YPEL1: variants seen among roughly 807,000 people sequenced by gnomAD.
YPEL1 encodes yippee like 1.
A neutral mutation model predicts 17.3 loss-of-function variants in YPEL1; 7 were observed. The ratio of observed to expected loss-of-function variants is 0.40; its 90% confidence interval spans 0.23 to 0.76. YPEL1 has a LOEUF of 0.76. YPEL1 is among the 30% of genes least tolerant of loss of function. YPEL1 has a pLI of 0.35. For synonymous variants in YPEL1, 59 were observed against 59.6 expected (o/e 0.99, Z 0.05); for missense variants, 91 against 155.5 (o/e 0.59, Z 2.21).
chr22:21,717,385 A>C (rs955733055), intron 1 of YPEL1, among the ~76,000 whole-genome samples: 20 of 151,936 alleles, frequency 1.3e-4, no homozygotes, highest in Non-Finnish European at 2.2e-4. Flanking sequence ...TCAAAAAAAA[A>C]AAAAAAACAA....
intron 1 of YPEL1, among the ~76,000 whole-genome samples, chr22:21,717,387 A>C (rs1021368842): frequency 6.6e-6 from 1 of 151,932 alleles, no homozygotes; most frequent in African/African-American, 2.4e-5. Context: ...AAAAAAAAAA[A>C]AAAAACAAAA....
chr22:21,735,653 T>A lies in YPEL1; in HGVS notation c.-203A>T, dbSNP rs2148618453. The A allele has an allele frequency of 6.6e-6, 1 of 150,558 alleles. No homozygotes were observed. The highest frequency in any genetic ancestry group is 6.6e-5 in the Admixed American group (1 of 15,174). 9.3% of individuals were successfully genotyped at this position (150,558 alleles called of 1,614,324 possible). On this transcript the variant is annotated 5_prime_UTR_variant, in exon 1 of 5. The change abolishes an upstream ATG in the 5' untranslated region. Coordinates refer to ENST00000339468, the MANE Select transcript of YPEL1 (RefSeq NM_013313.5). ...TCCGCGCCCCGGCCCGCAGCGCCCA[T>A]CCGGCCCGGGCCCCGGTCAGCGCGG...
chr22:21,703,297 CG>C lies in YPEL1; in HGVS notation c.270+72del. 1 of 1,330,182 alleles carries C rather than the reference CG, an allele frequency of 7.5e-7. No individual in the cohort carries two copies. The highest frequency in any genetic ancestry group is 1.2e-5 in the South Asian group (1 of 84,466). The allele number at this position is 1,330,182 out of a possible 1,614,324, so 82.4% of individuals were successfully genotyped here. A position where few individuals can be genotyped will look rare whatever the true frequency, so the allele number is the denominator to read the frequency against. ...GACTGGTACCATGGGCCACACTGCA[CG>C]GGGAGGTGTGGCTCAGTGGCAACTT... On this transcript the variant is annotated intron_variant, in intron 4 of 4. Transcript: ENST00000339468. The surrounding 1 kb of genome is among the most constrained non-coding windows in gnomAD (Gnocchi z 6.1).
Position 21,702,720 on chromosome 22 carries a change from AG to A in YPEL1, c.270+649del, listed in dbSNP as rs540358500. ...CATGGAATCTCAGGTGGCCTGGGGG[AG>A]GGGAGGACTCGGCCACGAAGGTCAG... On this transcript the variant is annotated intron_variant, in intron 4 of 4. Transcript: ENST00000339468. 1.4e-4 allele frequency among the ~76,000 whole-genome samples: 21 copies of A among 152,064 alleles called. No homozygotes were observed. The South Asian group carries it at 4.2e-3, about 30-fold the overall frequency.
chr22:21,703,728 C>G lies in YPEL1; in HGVS notation c.161+111G>C. The G allele has an allele frequency of 8.2e-7, 1 of 1,217,136 alleles. No individual in the cohort carries two copies. The highest frequency in any genetic ancestry group is 1.1e-6 in the Non-Finnish European group (1 of 873,494). 75.4% of individuals were successfully genotyped at this position (1,217,136 alleles called of 1,614,324 possible). A position where few individuals can be genotyped will look rare whatever the true frequency, so the allele number is the denominator to read the frequency against. On this transcript the variant is annotated intron_variant, in intron 3 of 4. Transcript: ENST00000339468. This position sits in a 1 kb window ranked among gnomAD's most constrained non-coding sequence, Gnocchi z 6.1. ...ACTCCCGGCGGGGGGATGGTGGGTT[C>G]TTTCAGGACCCCTAAAGACCCAGGT...
At chr22:21,722,627 A>C (rs1233954663) in intron 1 of YPEL1, among the ~76,000 whole-genome samples, 1 of 151,884 alleles carries the variant, frequency 6.6e-6, no homozygotes, top group African/African-American at 2.4e-5. Flanking sequence ...GGGGGCAAAA[A>C]AAAAACAAAA....
intron 1 of YPEL1, among the ~76,000 whole-genome samples, chr22:21,722,613 T>A (rs1409299622): frequency 6.7e-6 from 1 of 148,618 alleles, no homozygotes; most frequent in East Asian, 1.9e-4. Flanking sequence ...TGAGACTCTG[T>A]CTCGGGGGCA....
intron 2 of YPEL1, among the ~76,000 whole-genome samples, chr22:21,708,827 C>T (rs1327585000): frequency 4.6e-5 from 7 of 151,882 alleles, no homozygotes; most frequent in Non-Finnish European, 7.4e-5. Flanking sequence ...CCACCACACC[C>T]GGCTAATTTT....
intron 1 of YPEL1, among the ~76,000 whole-genome samples, chr22:21,735,414 T>A (rs188009987): frequency 6.6e-6 from 1 of 152,088 alleles, no homozygotes; most frequent in African/African-American, 2.4e-5. Context: ...GGCGTTGTTG[T>A]CTGTGCCAAA....
intron 2 of YPEL1, among the ~76,000 whole-genome samples, chr22:21,708,507 T>G (rs2068134645): frequency 6.7e-6 from 1 of 148,712 alleles, no homozygotes; most frequent in Non-Finnish European, 1.5e-5. Context: ...AGCTAATTTT[T>G]TTGTACTTTA....
intron 2 of YPEL1, among the ~76,000 whole-genome samples, chr22:21,705,840 CAT>C (rs2068110252): frequency 6.6e-6 from 1 of 151,948 alleles, no homozygotes; most frequent in Non-Finnish European, 1.5e-5. Context: ...CTCTAAAAAA[CAT>C]AAATAGGCCA....
At chr22:21,725,312 C>T (rs942656036) in intron 1 of YPEL1, among the ~76,000 whole-genome samples, 3 of 151,572 alleles carry the variant, frequency 2.0e-5, no homozygotes, top group Non-Finnish European at 2.9e-5. Context: ...CTCCATCTCC[C>T]GGGTTCATGC....
chr22:21,719,683 G>A (rs976286694), intron 1 of YPEL1, among the ~76,000 whole-genome samples: 2 of 152,064 alleles, frequency 1.3e-5, no homozygotes, highest in African/African-American at 4.8e-5. Context: ...TCAGGAGCTC[G>A]AGACCAGTCT....
intron 2 of YPEL1, among the ~76,000 whole-genome samples, chr22:21,707,784 C>T (rs926532817): frequency 3.3e-5 from 5 of 152,136 alleles, no homozygotes; most frequent in East Asian, 1.9e-4. Context: ...TCAGAGTTGG[C>T]GCCAGCAAAC....
intron 1 of YPEL1, among the ~76,000 whole-genome samples, chr22:21,718,075 G>A (rs1034084046): frequency 2.0e-5 from 3 of 150,416 alleles, no homozygotes; most frequent in Non-Finnish European, 2.9e-5. Flanking sequence ...AGGCTGCAAT[G>A]AGCAGAGATT....
At chr22:21,713,044 C>G (rs2068186248) in intron 1 of YPEL1, among the ~76,000 whole-genome samples, 1 of 152,148 alleles carries the variant, frequency 6.6e-6, no homozygotes, top group Non-Finnish European at 1.5e-5. Context: ...GGGAGGCAGA[C>G]AAGGACCACG....
At chr22:21,717,788 T>C (rs993093008) in intron 1 of YPEL1, among the ~76,000 whole-genome samples, 2 of 152,150 alleles carry the variant, frequency 1.3e-5, no homozygotes, top group South Asian at 4.1e-4. Flanking sequence ...TGAAAGATAA[T>C]AACTGATATC....
chr22:21,708,978 C>T (rs760857169), intron 2 of YPEL1, among the ~76,000 whole-genome samples: 1 of 152,126 alleles, frequency 6.6e-6, no homozygotes, highest in Non-Finnish European at 1.5e-5. Context: ...CCAGCTGATA[C>T]AATTTTTAAA....
intron 1 of YPEL1, among the ~76,000 whole-genome samples, chr22:21,726,795 G>A (rs1421308883): frequency 1.3e-5 from 2 of 152,080 alleles, no homozygotes; most frequent in Non-Finnish European, 2.9e-5. Flanking sequence ...TCCCAGCTGT[G>A]AGGCAGACAG....
Sources: allele counts gnomAD v4.1 joint callset (sites outside exome capture counted in the v4.1 genomes callset), GRCh38; gene constraint gnomAD v4.1.1; non-coding constraint Gnocchi (gnomAD v3.1); transcripts MANE v1.5; gene names NCBI Gene and HGNC (gene_info 2026-07-23, HGNC 2026-07-21).